The following ANKRD29 variants were observed in gnomAD, a reference collection of about 807,000 sequenced individuals.
ANKRD29 encodes the protein ankyrin repeat domain 29, also known as ankyrin repeat domain-containing protein 29.
Under a neutral mutation model 38.0 loss-of-function variants are expected in ANKRD29, and 32 were observed. The observed-to-expected ratio is 0.84, with a 90% CI of 0.64 to 1.13. ANKRD29 has a LOEUF of 1.13. Ranked by LOEUF, ANKRD29 falls within the 50% of genes most tolerant of loss-of-function variation. The probability of loss-of-function intolerance (pLI) is 0.00; values close to 1 mark genes in which losing one functional copy is unlikely to be tolerated. For missense variants in ANKRD29, 357 were observed against 377.9 expected (o/e 0.94, Z 0.46); for synonymous variants, 135 against 152.4 (o/e 0.89, Z 0.84).
intron 1 of ANKRD29, among the ~76,000 whole-genome samples, chr18:23,651,009 G>A (rs1013013218): frequency 3.3e-5 from 5 of 152,034 alleles, no homozygotes; most frequent in African/African-American, 7.2e-5. Flanking sequence ...TATTGATATC[G>A]TATTAAATAC....
intron 3 of ANKRD29, 44 bp from the exon 4 acceptor site, chr18:23,638,991 C>A: frequency 6.9e-7 from 1 of 1,439,874 alleles, no homozygotes; most frequent in Non-Finnish European, 9.5e-7. Context: ...ATTTGGTTAT[C>A]TTACATTTGA....
intron 2 of ANKRD29, chr18:23,647,595 C>A (rs546451465): frequency 1.7e-4 from 26 of 152,204 alleles, no homozygotes; most frequent in African/African-American, 5.1e-4. Context: ...TCTCAGCTCA[C>A]TGCAACCCCC....
At chr18:23,638,276 A>G (rs993960058) in intron 4 of ANKRD29, among the ~76,000 whole-genome samples, 1 of 152,178 alleles carries the variant, frequency 6.6e-6, no homozygotes, top group Admixed American at 6.5e-5. Flanking sequence ...TTGGGATTAC[A>G]GGCATGAACC....
At chr18:23,614,000 G>A (rs180677397) in intron 8 of ANKRD29, among the ~76,000 whole-genome samples, 1 of 152,042 alleles carries the variant, frequency 6.6e-6, no homozygotes, top group African/African-American at 2.4e-5. Context: ...CCAAAGTGCT[G>A]GGATTACAAG....
chr18:23,656,923 C>T (rs1415634608), intron 1 of ANKRD29, among the ~76,000 whole-genome samples: 1 of 152,124 alleles, frequency 6.6e-6, no homozygotes, highest in Non-Finnish European at 1.5e-5. Flanking sequence ...TTGCCTAGCG[C>T]AGAGCACTCC....
intron 9 of ANKRD29, among the ~76,000 whole-genome samples, chr18:23,607,762 T>C (rs1360877188): frequency 1.3e-5 from 2 of 152,174 alleles, no homozygotes; most frequent in Non-Finnish European, 2.9e-5. Context: ...GGCTATCTCG[T>C]TCATTATGGA....
chr18:23,634,291 T>TG, intron 4 of ANKRD29, 142 bp from the exon 5 acceptor site: 3 of 145,488 alleles, frequency 2.1e-5, no homozygotes, highest in African/African-American at 8.2e-5. Flanking sequence ...TTTTTTTTTT[T>TG]TTTTTTTTTT....
intron 8 of ANKRD29, among the ~76,000 whole-genome samples, chr18:23,616,572 T>C (rs2059722593): frequency 7.2e-6 from 1 of 138,802 alleles, no homozygotes; most frequent in South Asian, 2.1e-4. Context: ...ATACACTATA[T>C]ATACAGTATA....
At chr18:23,616,560 ATATACAC>A (rs2059721274) in intron 8 of ANKRD29, among the ~76,000 whole-genome samples, 1 of 139,774 alleles carries the variant, frequency 7.2e-6, no homozygotes, top group African/African-American at 2.8e-5. Context: ...GTATATATAT[ATATACAC>A]TATATATACA....
At chr18:23,605,795 G>A (rs550522304) in intron 9 of ANKRD29, among the ~76,000 whole-genome samples, 1 of 152,192 alleles carries the variant, frequency 6.6e-6, no homozygotes, top group African/African-American at 2.4e-5. Flanking sequence ...CCAAAGTGCT[G>A]AGATTACAGG....
intron 5 of ANKRD29, among the ~76,000 whole-genome samples, chr18:23,632,690 G>C (rs1034853933): frequency 6.6e-6 from 1 of 152,040 alleles, no homozygotes; most frequent in Non-Finnish European, 1.5e-5. Flanking sequence ...TGTTGGTCTG[G>C]AGTGGGCCTC....
rs113831516 is a variant in ANKRD29, at chr18:23,602,394, G to T, written c.823-1085C>A. ...AACCTCCAGAGCATAAGAGACACCC[G>T]GGAAAGAAGAGCATTGGTGGCTAAC... is the stretch of plus-strand genomic sequence containing the variant. On this transcript the variant is annotated intron_variant, in intron 9 of 9. Transcript: ENST00000592179. 8.4e-3 allele frequency among the ~76,000 whole-genome samples: 1,282 copies of T among 152,150 alleles called. 2 individuals are homozygous for T. The highest frequency in any genetic ancestry group is 0.013 in the Non-Finnish European group (881 of 67,992).
At chr18:23,662,564 C>A in intron 1 of ANKRD29, 146 bp downstream of exon 1, 1 of 804,788 alleles carries the variant, frequency 1.2e-6, no homozygotes, top group Non-Finnish European at 1.7e-6. Context: ...CCGGGCCTCG[C>A]CCGCAGCTGG....
chr18:23,638,904 T>C lies in ANKRD29; in HGVS notation c.275A>G (p.Asn92Ser). The C allele has an allele frequency of 6.2e-7, 1 of 1,613,226 alleles. No individual in the cohort carries two copies. Among genetic ancestry groups the C allele is most frequent in the Non-Finnish European group, 8.5e-7 (1 of 1,179,802 alleles). The change falls in exon 4 of 10, where the codon AAT becomes AGT. Residue 92 changes from asparagine (N) to serine (S), a missense_variant. Transcript: ENST00000592179. Reference protein sequence around the residue: ...ALFFAAQQGHNDVVRFLFGFG... With the variant: ...ALFFAAQQGHSDVVRFLFGFG... ...TCCAAAGAGAAATCTCACGACATCA[T>C]TATGGCCTTGCTGGGCGGCAAAGAA... is the stretch of plus-strand genomic sequence containing the variant.
chr18:23,635,532 G>T (rs1243781340), intron 4 of ANKRD29, among the ~76,000 whole-genome samples: 1 of 152,208 alleles, frequency 6.6e-6, no homozygotes, highest in Non-Finnish European at 1.5e-5. Context: ...TTGTTGAGTT[G>T]TTTGGCTCTC....
chr18:23,615,570 A>G (rs2059699779), intron 8 of ANKRD29, among the ~76,000 whole-genome samples: 2 of 151,904 alleles, frequency 1.3e-5, no homozygotes. Context: ...CATCATGACC[A>G]GTTAATTTTA....
chr18:23,623,360 T>C (rs908305039), intron 6 of ANKRD29, among the ~76,000 whole-genome samples: 1 of 152,158 alleles, frequency 6.6e-6, no homozygotes, highest in East Asian at 1.9e-4. Context: ...TAGAGCATTA[T>C]TGTCAAATCA....
At chr18:23,650,725 G>A (rs1456083496) in intron 1 of ANKRD29, among the ~76,000 whole-genome samples, 2 of 152,162 alleles carry the variant, frequency 1.3e-5, no homozygotes, top group Non-Finnish European at 2.9e-5. Flanking sequence ...GAAGTTGACG[G>A]TATTAAATGA....
At chr18:23,602,804 A>G (rs904673597) in intron 9 of ANKRD29, among the ~76,000 whole-genome samples, 1 of 151,920 alleles carries the variant, frequency 6.6e-6, no homozygotes, top group African/African-American at 2.4e-5. Flanking sequence ...AGAAATTAAA[A>G]CTGAGAAAAT....
Sources: allele counts gnomAD v4.1 joint callset (sites outside exome capture counted in the v4.1 genomes callset), GRCh38; gene constraint gnomAD v4.1.1; transcripts MANE v1.5; gene names NCBI Gene and HGNC (gene_info 2026-07-23, HGNC 2026-07-21).